Variants in RSU1 observed in about 807,000 individuals in gnomAD.
RSU1 encodes the protein rsu-1.
RSU1 carries 26 observed loss-of-function variants against 31.1 expected under a neutral mutation model. That is an observed-to-expected ratio of 0.84 (90% CI 0.61 to 1.16). The LOEUF is 1.16. RSU1 is among the 50% of genes most tolerant of loss of function. The pLI is 0.00. For synonymous variants in RSU1, 164 were observed against 136.3 expected (o/e 1.20, Z -1.41); for missense variants, 320 against 339.1 (o/e 0.94, Z 0.44).
intron 8 of RSU1, among the ~76,000 whole-genome samples, chr10:16,599,246 C>G (rs533465264): frequency 6.6e-6 from 1 of 151,822 alleles, no homozygotes; most frequent in East Asian, 1.9e-4. Context: ...GGGGAAGTGC[C>G]AGGATTGGCA....
chr10:16,773,020 A>G (rs1837453403), intron 3 of RSU1, among the ~76,000 whole-genome samples: 1 of 152,054 alleles, frequency 6.6e-6, no homozygotes, highest in South Asian at 2.1e-4. Context: ...CAGCCTGGGC[A>G]ACAGGGCGAA....
At chr10:16,733,333 TAAAAAAAAAAAAA>T (rs569239845) in intron 7 of RSU1, among the ~76,000 whole-genome samples, 2 of 79,642 alleles carry the variant, frequency 2.5e-5, no homozygotes, top group Non-Finnish European at 4.9e-5. Context: ...TCTACGACAA[TAAAAAAAAAAAAA>T]AAAAAAAAAA....
At chr10:16,786,271 C>T (rs755161352) in intron 2 of RSU1, among the ~76,000 whole-genome samples, 11 of 152,180 alleles carry the variant, frequency 7.2e-5, no homozygotes, top group African/African-American at 1.7e-4. Context: ...TTTTAGCTGA[C>T]GGGTTATAAT....
At chr10:16,650,769 G>A (rs1316755605) in intron 8 of RSU1, among the ~76,000 whole-genome samples, 1 of 151,810 alleles carries the variant, frequency 6.6e-6, no homozygotes, top group Non-Finnish European at 1.5e-5. Context: ...TTTTAGCAGA[G>A]ATGAGGTTTC....
chr10:16,793,036 A>G (rs12357317), intron 2 of RSU1, among the ~76,000 whole-genome samples: 3,995 of 152,370 alleles, frequency 0.026, 58 homozygotes, highest in Non-Finnish European at 0.037. Flanking sequence ...CTGACAATGT[A>G]TTAAAATGAA....
intron 8 of RSU1, among the ~76,000 whole-genome samples, chr10:16,649,297 A>G (rs1439356035): frequency 5.9e-5 from 9 of 152,194 alleles, no homozygotes; most frequent in Admixed American, 1.3e-4. Flanking sequence ...CTTCTCAGAG[A>G]TATGCATCTT....
intron 3 of RSU1, among the ~76,000 whole-genome samples, chr10:16,767,813 A>G (rs1338998607): frequency 1.3e-5 from 2 of 152,234 alleles, no homozygotes; most frequent in African/African-American, 4.8e-5. Flanking sequence ...AAGACAGGGT[A>G]TCAAAGTCAA....
chr10:16,798,066 T>C (rs1397766304), intron 2 of RSU1, among the ~76,000 whole-genome samples: 1 of 152,050 alleles, frequency 6.6e-6, no homozygotes, highest in Non-Finnish European at 1.5e-5. Context: ...TTTACCATGT[T>C]GGCCAGGCTG....
At chr10:16,798,696 C>T (rs892059310) in intron 2 of RSU1, among the ~76,000 whole-genome samples, 2 of 152,166 alleles carry the variant, frequency 1.3e-5, no homozygotes, top group Admixed American at 6.5e-5. Context: ...CAGACTAATA[C>T]AATTTTCAAA....
chr10:16,755,115 CTTTATT>C lies in RSU1; in HGVS notation c.282-132_282-127del, dbSNP rs1472717978. On this transcript the variant is annotated intron_variant, in intron 4 of 8. Transcript: ENST00000345264. ...GCCATGATCCTAGAGTCACTTTATA[CTTTATT>C]TTTATTTTTTATTTTTTTGAGACAG... is the stretch of plus-strand genomic sequence containing the variant. 1.7e-5 allele frequency: 9 copies of C among 527,728 alleles called. No individual in the cohort carries two copies. The South Asian group carries it at 2.2e-4, about 13-fold the overall frequency. The allele number at this position is 527,728 out of a possible 1,614,324, so 32.7% of individuals were successfully genotyped here.
intron 2 of RSU1, among the ~76,000 whole-genome samples, chr10:16,800,445 G>C (rs1183085281): frequency 1.3e-5 from 2 of 152,180 alleles, no homozygotes; most frequent in African/African-American, 4.8e-5. Context: ...AAAATAAAGA[G>C]CGCCTCTGAC....
chr10:16,672,050 G>A (rs1308082827), intron 8 of RSU1, among the ~76,000 whole-genome samples: 2 of 150,688 alleles, frequency 1.3e-5, no homozygotes, highest in Non-Finnish European at 3.0e-5. Flanking sequence ...TGTAATCCCA[G>A]CACTTTAGGA....
At chr10:16,685,647 T>C (rs1296781170) in intron 8 of RSU1, among the ~76,000 whole-genome samples, 1 of 150,598 alleles carries the variant, frequency 6.6e-6, no homozygotes, top group Non-Finnish European at 1.5e-5. Context: ...TTGGTTTTGT[T>C]GGATTTGGCC....
chr10:16,746,947 A>G (rs2131615213), intron 7 of RSU1, among the ~76,000 whole-genome samples: 1 of 152,272 alleles, frequency 6.6e-6, no homozygotes, highest in South Asian at 2.1e-4. Context: ...AATTATGTGC[A>G]TTCCACTGTC....
intron 8 of RSU1, among the ~76,000 whole-genome samples, chr10:16,677,459 G>A (rs1478313813): frequency 6.6e-6 from 1 of 152,110 alleles, no homozygotes; most frequent in Non-Finnish European, 1.5e-5. Flanking sequence ...TAGGAAGTTG[G>A]GAGTAGCTGA....
chr10:16,795,940 C>A (rs898647996), intron 2 of RSU1, among the ~76,000 whole-genome samples: 4 of 152,186 alleles, frequency 2.6e-5, no homozygotes, highest in Admixed American at 1.3e-4. Flanking sequence ...CAGCTCTCTG[C>A]GTCCGCCTCA....
At chr10:16,594,397 T>C (rs1833569063) in intron 8 of RSU1, among the ~76,000 whole-genome samples, 1 of 151,042 alleles carries the variant, frequency 6.6e-6, no homozygotes, top group Non-Finnish European at 1.5e-5. Context: ...GTTTAGCATA[T>C]ACTGGCGTCC....
intron 7 of RSU1, among the ~76,000 whole-genome samples, chr10:16,722,877 C>T (rs999494012): frequency 2.8e-5 from 4 of 140,736 alleles, no homozygotes; most frequent in African/African-American, 1.1e-4. Flanking sequence ...TGTATATATA[C>T]ACACATATAC....
At chr10:16,811,175 T>C (rs1470092546) in intron 2 of RSU1, among the ~76,000 whole-genome samples, 1 of 152,154 alleles carries the variant, frequency 6.6e-6, no homozygotes, top group Non-Finnish European at 1.5e-5. Context: ...TCACATGCTG[T>C]ACAGTTTTGT....
Sources: allele counts gnomAD v4.1 joint callset (sites outside exome capture counted in the v4.1 genomes callset), GRCh38; gene constraint gnomAD v4.1.1; transcripts MANE v1.5; gene names NCBI Gene and HGNC (gene_info 2026-07-23, HGNC 2026-07-21).